PRKAR2B: variants seen among roughly 807,000 people sequenced by gnomAD.
PRKAR2B encodes protein kinase cAMP-dependent type II regulatory subunit beta, also known as cAMP-dependent protein kinase type II-beta regulatory subunit.
In PRKAR2B, 14 loss-of-function variants were observed where a neutral mutation model predicts 49.9. The ratio of observed to expected loss-of-function variants is 0.28; its 90% CI spans 0.19 to 0.44. PRKAR2B has a LOEUF of 0.44. PRKAR2B is among the 20% of genes least tolerant of loss of function. The pLI is 1.00. For missense variants in PRKAR2B, 393 were observed against 537.9 expected (o/e 0.73, Z 2.67); for synonymous variants, 196 against 197.7 (o/e 0.99, Z 0.07).
intron 10 of PRKAR2B, 112 bp downstream of exon 10, chr7:107,157,436 A>T: frequency 7.4e-7 from 1 of 1,349,638 alleles, no homozygotes; most frequent in Non-Finnish European, 9.9e-7. Flanking sequence ...TGGTCCCCAC[A>T]AAAGGTAACA....
In PRKAR2B at chr7:107,128,264, A is replaced by G. The variant is rs559030584; in HGVS notation, c.449A>G (p.Lys150Arg). 51 of 1,612,722 alleles carry G rather than the reference A, an allele frequency of 3.2e-5. No homozygotes were observed. In the Admixed American group the frequency reaches 7.3e-4, roughly 23 times the overall value. ...DQRNRLQEAC[K>R]DILLFKNLDP... is the part of the protein sequence containing the mutation. Reference sequence around the variant, plus strand: ...AGAAATAGGTTGCAAGAGGCTTGCAAAGACATCCTGCTGTTTAAGAATCTG... The same window carrying G: ...AGAAATAGGTTGCAAGAGGCTTGCAGAGACATCCTGCTGTTTAAGAATCTG... The change falls in exon 4 of 11, where the codon AAA becomes AGA. Residue 150 changes from lysine (K) to arginine (R), a missense_variant. This residue lies in a region of PRKAR2B where 233 missense variants were observed against 390.4 expected (regional missense o/e 0.60). Transcript: ENST00000265717.
intron 3 of PRKAR2B, among the ~76,000 whole-genome samples, chr7:107,123,329 C>G (rs991840628): frequency 6.6e-6 from 1 of 152,154 alleles, no homozygotes; most frequent in Non-Finnish European, 1.5e-5. Flanking sequence ...CAGGTTCACT[C>G]CAGCTAATTT....
At chr7:107,120,852 T>C (rs1584438997) in intron 2 of PRKAR2B, among the ~76,000 whole-genome samples, 1 of 151,752 alleles carries the variant, frequency 6.6e-6, no homozygotes. Context: ...ACAGATAAAG[T>C]GGTATGAAAA....
intron 2 of PRKAR2B, among the ~76,000 whole-genome samples, chr7:107,118,617 A>G (rs1364248609): frequency 6.6e-6 from 1 of 152,210 alleles, no homozygotes; most frequent in Non-Finnish European, 1.5e-5. Flanking sequence ...GTGGTAAATG[A>G]CAATAATGAG....
At chr7:107,094,060 G>A (rs752608734) in intron 2 of PRKAR2B, among the ~76,000 whole-genome samples, 35 of 152,068 alleles carry the variant, frequency 2.3e-4, no homozygotes, top group Non-Finnish European at 4.9e-4. Context: ...TGGTATTTCT[G>A]GTTCTAGATC....
intron 1 of PRKAR2B, chr7:107,069,729 C>T (rs776532380): frequency 6.6e-6 from 1 of 152,396 alleles, no homozygotes; most frequent in Non-Finnish European, 1.5e-5. Context: ...TGCACAAAAA[C>T]TGTCAGAACT....
chr7:107,112,807 T>G (rs1294244850), intron 2 of PRKAR2B, among the ~76,000 whole-genome samples: 1 of 152,162 alleles, frequency 6.6e-6, no homozygotes, highest in Non-Finnish European at 1.5e-5. Flanking sequence ...TTTTGAATCT[T>G]TGGATATTGA....
At chr7:107,144,053 C>CTTATTTATTTATTTATTTAT (rs60565381) in intron 5 of PRKAR2B, among the ~76,000 whole-genome samples, 1 of 143,434 alleles carries the variant, frequency 7.0e-6, no homozygotes, top group African/African-American at 2.6e-5. Flanking sequence ...CAATTCTTTT[C>CTTATTTATTTATTTATTTAT]TTATTTATTT....
intron 2 of PRKAR2B, among the ~76,000 whole-genome samples, chr7:107,088,620 G>A (rs996414634): frequency 6.6e-6 from 1 of 151,616 alleles, no homozygotes; most frequent in Non-Finnish European, 1.5e-5. Flanking sequence ...ATTTTATTTC[G>A]AGACACTCTT....
At chr7:107,088,996 C>A (rs962121305) in intron 2 of PRKAR2B, among the ~76,000 whole-genome samples, 2 of 152,030 alleles carry the variant, frequency 1.3e-5, no homozygotes, top group African/African-American at 4.8e-5. Context: ...TGGTAAAACC[C>A]CGTCTCTACT....
intron 4 of PRKAR2B, among the ~76,000 whole-genome samples, chr7:107,134,170 A>C (rs932157784): frequency 6.6e-6 from 1 of 152,042 alleles, no homozygotes; most frequent in Non-Finnish European, 1.5e-5. Flanking sequence ...CTGGGACTAC[A>C]GGTGTGCACC....
At position 107,044,940 on chromosome 7, in the gene PRKAR2B, G is replaced by A. The variant is rs992025548; in HGVS notation, c.33G>A (p.Glu11=). 2.2e-5 allele frequency: 35 copies of A among 1,599,158 alleles called. No individual in the cohort carries two copies. In the African/African-American group the frequency reaches 4.3e-4, roughly 20 times the overall value. The part of the protein sequence containing the change: MSIEIPAGLT[E]LLQGFTVEVL... Reference sequence around the variant, plus strand: ...TCGAGATCCCGGCGGGACTGACGGAGCTGCTGCAGGGCTTCACGGTGGAGG... The same window carrying A: ...TCGAGATCCCGGCGGGACTGACGGAACTGCTGCAGGGCTTCACGGTGGAGG... Residue 11 remains glutamate (E), a synonymous_variant, in exon 1 of 11, where the codon GAG becomes GAA. Transcript: ENST00000265717.
At chr7:107,155,796 C>T (rs1796072652) in intron 8 of PRKAR2B, among the ~76,000 whole-genome samples, 1 of 152,130 alleles carries the variant, frequency 6.6e-6, no homozygotes, top group Admixed American at 6.5e-5. Context: ...GCTATAAAGA[C>T]ACATGCACAC....
intron 7 of PRKAR2B, 104 bp downstream of exon 7, chr7:107,151,127 A>G (rs577431532): frequency 6.7e-5 from 40 of 600,184 alleles, no homozygotes; most frequent in Non-Finnish European, 9.1e-5. Flanking sequence ...AAAAAAATCT[A>G]TCCATGTTTT....
intron 2 of PRKAR2B, among the ~76,000 whole-genome samples, chr7:107,071,280 T>C (rs1794269886): frequency 1.3e-5 from 2 of 152,250 alleles, no homozygotes; most frequent in South Asian, 4.1e-4. Context: ...CCACCTGTGC[T>C]ATAATATTAA....
chr7:107,096,467 T>C (rs1313467252), intron 2 of PRKAR2B, among the ~76,000 whole-genome samples: 1 of 151,502 alleles, frequency 6.6e-6, no homozygotes, highest in African/African-American at 2.4e-5. Context: ...CCTGGATTCA[T>C]TGATTTTTTT....
intron 1 of PRKAR2B, among the ~76,000 whole-genome samples, chr7:107,059,638 T>C (rs940874642): frequency 2.6e-5 from 4 of 152,164 alleles, no homozygotes; most frequent in Non-Finnish European, 5.9e-5. Flanking sequence ...ATACACTTTA[T>C]CCATTCTTTG....
intron 2 of PRKAR2B, among the ~76,000 whole-genome samples, chr7:107,104,273 A>T (rs1246035819): frequency 2.6e-5 from 4 of 152,134 alleles, no homozygotes; most frequent in Non-Finnish European, 5.9e-5. Flanking sequence ...GAGCTCAGGC[A>T]GTTCACCTGC....
intron 4 of PRKAR2B, among the ~76,000 whole-genome samples, chr7:107,139,122 A>G (rs1483425019): frequency 6.6e-6 from 1 of 152,146 alleles, no homozygotes; most frequent in Non-Finnish European, 1.5e-5. Flanking sequence ...TGTCTCTGCA[A>G]AAGCTCTCTA....
Sources: gnomAD v4.1 joint callset for allele counts (sites outside exome capture counted in the v4.1 genomes callset) on GRCh38, gnomAD v4.1.1 for gene constraint, gnomAD v4.1.1 regional missense constraint, MANE v1.5 for transcripts, NCBI Gene and HGNC (gene_info 2026-07-23, HGNC 2026-07-21) for gene names.